The following ACSBG1 variants were observed in gnomAD, a reference collection of about 807,000 sequenced individuals.
ACSBG1 encodes long-chain-fatty-acid--CoA ligase ACSBG1.
A neutral mutation model predicts 80.2 loss-of-function variants in ACSBG1; 39 were observed. The ratio of observed to expected loss-of-function variants is 0.49; its 90% confidence interval spans 0.38 to 0.64. The LOEUF (loss-of-function observed/expected upper bound fraction) is 0.64. ACSBG1 is among the 30% of genes least tolerant of loss of function. The pLI, the probability that ACSBG1 is intolerant of heterozygous loss-of-function variation, is 0.00. For synonymous variants in ACSBG1, 392 were observed against 379.5 expected, an observed-to-expected ratio of 1.03 and a Z score of -0.38; for missense variants, 828 against 966.4, an observed-to-expected ratio of 0.86 and a Z score of 1.90.
chr15:78,185,482 T>G (rs1264145445), intron 5 of ACSBG1, among the ~76,000 whole-genome samples: 1 of 151,292 alleles, frequency 6.6e-6, no homozygotes, highest in Non-Finnish European at 1.5e-5. Flanking sequence ...AGCCTCAAAA[T>G]AAAGTTCAGA....
At chr15:78,229,900 G>A (rs140346614) in intron 1 of ACSBG1, among the ~76,000 whole-genome samples, 1,588 of 152,218 alleles carry the variant, frequency 0.01, 11 homozygotes, top group Middle Eastern at 0.017. Flanking sequence ...GGAGTTAGCC[G>A]GTCCCCAACC....
chr15:78,183,942 A>T (rs77390520), intron 5 of ACSBG1, among the ~76,000 whole-genome samples: 10,051 of 152,130 alleles, frequency 0.066, 359 homozygotes, highest in South Asian at 0.18. Flanking sequence ...TGAGTTCCTA[A>T]AACTTGAAAA....
In ACSBG1 at chr15:78,167,547, A is replaced by G. The variant is rs1004964544; in HGVS notation, c.*3897T>C. On this transcript the variant is annotated 3_prime_UTR_variant, in exon 14 of 14. Coordinates refer to ENST00000258873, the MANE Select transcript of ACSBG1 (RefSeq NM_015162.5). ...TTTGCCATTTTAGCCGTATTTAGGT[A>G]TACAGTTCAATAATGTTAAGTACAT... 6.6e-6 allele frequency: 1 copy of G among 152,252 alleles called. No homozygotes were observed. The highest frequency in any genetic ancestry group is 1.5e-5 in the Non-Finnish European group (1 of 68,048). The allele number at this position is 152,252 out of a possible 1,614,324, so 9.4% of individuals were successfully genotyped here.
chr15:78,193,869 C>G, intron 4 of ACSBG1, 63 bp downstream of exon 4: 3 of 1,574,138 alleles, frequency 1.9e-6, no homozygotes, highest in Non-Finnish European at 2.6e-6. Context: ...AGATAAGGAC[C>G]CTCCCCTACC....
At chr15:78,219,406 CAAAAAA>C (rs34636353) in intron 1 of ACSBG1, among the ~76,000 whole-genome samples, 2 of 119,708 alleles carry the variant, frequency 1.7e-5, no homozygotes, top group African/African-American at 3.1e-5. Context: ...GGCTTTGTCT[CAAAAAA>C]AAAAAAAAAA....
At chr15:78,190,570 TAAAAAAAAAAA>T (rs374255553) in intron 5 of ACSBG1, among the ~76,000 whole-genome samples, 1 of 129,220 alleles carries the variant, frequency 7.7e-6, no homozygotes, top group Non-Finnish European at 1.6e-5. Flanking sequence ...GACCCTGTCT[TAAAAAAAAAAA>T]AGAAAAAAGA....
At chr15:78,226,793 T>TATAATATATATAATATATATATATATA (rs1555434844) in intron 1 of ACSBG1, among the ~76,000 whole-genome samples, 58 of 129,018 alleles carry the variant, frequency 4.5e-4, no homozygotes, top group Non-Finnish European at 7.7e-4. Flanking sequence ...AAAATATATA[T>TATAATATATATAATATATATATATATA]ATATATATAA....
intron 2 of ACSBG1, among the ~76,000 whole-genome samples, chr15:78,198,873 C>T (rs1436430167): frequency 6.6e-6 from 1 of 152,146 alleles, no homozygotes; most frequent in Non-Finnish European, 1.5e-5. Flanking sequence ...CCAAAATGCT[C>T]ATGGGACCAG....
rs780246786 is a variant in ACSBG1 at position 78,180,931 on chromosome 15, G to A, written c.1077C>T (p.Ser359=). The change falls in exon 9 of 14, where the codon AGC becomes AGT. Residue 359 remains serine, a synonymous_variant. Transcript: ENST00000258873. ...CCACCTCCCGCAGCGTGTTCACCAG[G>A]CTCCCCTGTTCACACCAGAAGAGGC... is the stretch of plus-strand genomic sequence containing the variant. ...CFAEPDALKG[S]LVNTLREVEP... The A allele has an allele frequency of 6.2e-7, 1 of 1,613,864 alleles. No homozygotes were observed. The highest frequency in any genetic ancestry group is 8.5e-7 in the Non-Finnish European group (1 of 1,179,856).
At chr15:78,186,224 T>C (rs1287983183) in intron 5 of ACSBG1, among the ~76,000 whole-genome samples, 1 of 152,178 alleles carries the variant, frequency 6.6e-6, no homozygotes. Context: ...CACACAATAA[T>C]AATGGGAGAC....
Position 78,173,627 on chromosome 15 carries a change from G to A in ACSBG1, c.2055C>T (p.Leu685=), listed in dbSNP as rs535709605. ...RPYHIQKWAI[L]ERDFSISGGE... ...CACCCGAAATGGAGAAGTCTCTCTC[G>A]AGAATGGCCCACTTCTGGATGTGGT... The change falls in exon 13 of 14, where the codon CTC becomes CTT. Residue 685 remains leucine (L), a synonymous_variant. Coordinates refer to ENST00000258873, the MANE Select transcript of ACSBG1 (RefSeq NM_015162.5). 1.2e-5 allele frequency: 20 copies of A among 1,614,026 alleles called. No homozygotes were observed. Among genetic ancestry groups the A allele is most frequent in the East Asian group, 2.2e-5 (1 of 44,884 alleles).
intron 11 of ACSBG1, 157 bp from the exon 12 acceptor site, chr15:78,174,681 TCA>T: frequency 1.2e-6 from 1 of 809,834 alleles, no homozygotes; most frequent in Non-Finnish European, 1.9e-6. Flanking sequence ...CCAAAGCAAC[TCA>T]CACCTGCTTG....
chr15:78,230,690 GGATT>G (rs1309900944), intron 1 of ACSBG1, among the ~76,000 whole-genome samples: 1 of 152,190 alleles, frequency 6.6e-6, no homozygotes, highest in African/African-American at 2.4e-5. Context: ...CAAGATCTGA[GGATT>G]ATTATAAGGG....
chr15:78,176,200 G>C (rs888844682), intron 11 of ACSBG1, among the ~76,000 whole-genome samples: 2 of 152,064 alleles, frequency 1.3e-5, no homozygotes, highest in Non-Finnish European at 2.9e-5. Context: ...AGGCCACTGT[G>C]CTCAGCCAAA....
At chr15:78,225,775 T>TA (rs984957446) in intron 1 of ACSBG1, among the ~76,000 whole-genome samples, 7 of 151,944 alleles carry the variant, frequency 4.6e-5, no homozygotes, top group African/African-American at 9.7e-5. Flanking sequence ...TGTAGTGGCT[T>TA]AAAAAAAACA....
In ACSBG1 at chr15:78,178,868, G is replaced by A. The variant is rs1567079566; in HGVS notation, c.1485-37C>T. ...GGGGCCGGGAGACTGGTCAGAGGGA[G>A]CCGTCTCCTCCAAGCCCCCACTGGG... is the stretch of plus-strand genomic sequence containing the variant. On this transcript the variant is annotated intron_variant, in intron 10 of 13. Coordinates refer to ENST00000258873, the MANE Select transcript of ACSBG1 (RefSeq NM_015162.5). This position sits in a 1 kb window ranked among gnomAD's most constrained non-coding sequence, Gnocchi z 4.3. 1 of 1,564,454 alleles carries A rather than the reference G, an allele frequency of 6.4e-7. No homozygotes were observed. Among genetic ancestry groups the A allele is most frequent in the Non-Finnish European group, 8.6e-7 (1 of 1,158,878 alleles).
chr15:78,225,401 CAATAAATAAATAAATA>C (rs148506728), intron 1 of ACSBG1, among the ~76,000 whole-genome samples: 1 of 143,136 alleles, frequency 7.0e-6, no homozygotes, highest in East Asian at 2.0e-4. Context: ...AACTCTGTCT[CAATAAATAAATAAATA>C]AATAAATAAA....
chr15:78,176,814 T>C (rs1214448109), intron 11 of ACSBG1, among the ~76,000 whole-genome samples: 2 of 151,918 alleles, frequency 1.3e-5, no homozygotes, highest in Non-Finnish European at 2.9e-5. Flanking sequence ...TCCCAGCTAC[T>C]TGAGAGGCTG....
intron 7 of ACSBG1, 55 bp from the exon 8 acceptor site, chr15:78,182,200 C>A: frequency 6.3e-7 from 1 of 1,575,482 alleles, no homozygotes; most frequent in South Asian, 1.2e-5. Flanking sequence ...CCTGGCGGTG[C>A]TCACAACTGT....
Sources: allele counts gnomAD v4.1 joint callset (sites outside exome capture counted in the v4.1 genomes callset), GRCh38; gene constraint gnomAD v4.1.1; non-coding constraint Gnocchi (gnomAD v3.1); transcripts MANE v1.5; gene names NCBI Gene and HGNC (gene_info 2026-07-23, HGNC 2026-07-21).